Variants in NBEA observed in about 807,000 individuals in gnomAD.
The protein encoded by NBEA is lysosomal-trafficking regulator 2.
In NBEA, 44 loss-of-function variants were observed where a neutral mutation model predicts 343.4. The ratio of observed to expected loss-of-function variants is 0.13; its 90% CI spans 0.10 to 0.16. The LOEUF is 0.16. Ranked by LOEUF, NBEA falls within the 10% of genes least tolerant of loss-of-function variation. The probability of loss-of-function intolerance (pLI) is 1.00; values close to 1 mark genes in which losing one functional copy is unlikely to be tolerated. For missense variants in NBEA, 2,555 were observed against 3,631.3 expected (o/e 0.70, Z 7.62); for synonymous variants, 1,175 against 1,238.7 (o/e 0.95, Z 1.08).
intron 1 of NBEA, among the ~76,000 whole-genome samples, chr13:34,957,693 G>A (rs2059540844): frequency 6.6e-6 from 1 of 151,666 alleles, no homozygotes; most frequent in African/African-American, 2.4e-5. Context: ...ATATCTATTT[G>A]AACTTATTTT....
At chr13:35,010,742 ATAT>A (rs1212891181) in intron 1 of NBEA, among the ~76,000 whole-genome samples, 80 of 83,690 alleles carry the variant, frequency 9.6e-4, no homozygotes, top group African/African-American at 2.8e-3. Context: ...AAAAAAAAAA[ATAT>A]ATATATATAT....
chr13:35,060,298 T>C (rs1187086772), intron 8 of NBEA, among the ~76,000 whole-genome samples: 1 of 151,860 alleles, frequency 6.6e-6, no homozygotes, highest in African/African-American at 2.4e-5. Context: ...ATATAAGCAA[T>C]TTTGTAATTC....
At chr13:35,397,214 A>G (rs2042787926) in intron 38 of NBEA, among the ~76,000 whole-genome samples, 1 of 152,158 alleles carries the variant, frequency 6.6e-6, no homozygotes, top group Non-Finnish European at 1.5e-5. Flanking sequence ...CCATACTAAC[A>G]TTCTTTCTGT....
At chr13:35,253,056 T>TCATTGAGAAGAG in intron 34 of NBEA, among the ~76,000 whole-genome samples, 1 of 152,152 alleles carries the variant, frequency 6.6e-6, no homozygotes, top group South Asian at 2.1e-4. Flanking sequence ...GCTCACTCAT[T>TCATTGAGAAGAG]CACAGACTGC....
intron 41 of NBEA, among the ~76,000 whole-genome samples, chr13:35,533,409 AT>A (rs2078363326): frequency 6.6e-6 from 1 of 152,284 alleles, no homozygotes; most frequent in African/African-American, 2.4e-5. Flanking sequence ...TAACATAAAA[AT>A]TTATAATACG....
intron 34 of NBEA, among the ~76,000 whole-genome samples, chr13:35,271,997 T>TA (rs2034200753): frequency 6.6e-6 from 1 of 151,954 alleles, no homozygotes; most frequent in South Asian, 2.1e-4. Flanking sequence ...ATTCAGGAAA[T>TA]ACAGAGAACA....
At chr13:35,246,432 CTGGGG>C in intron 34 of NBEA, among the ~76,000 whole-genome samples, 1 of 152,272 alleles carries the variant, frequency 6.6e-6, no homozygotes. Flanking sequence ...GAGGGAAGAT[CTGGGG>C]CTCAAGGCTG....
chr13:35,651,539 C>T (rs2084523319), intron 52 of NBEA, among the ~76,000 whole-genome samples: 1 of 152,100 alleles, frequency 6.6e-6, no homozygotes, highest in Admixed American at 6.5e-5. Context: ...ATAAATGTTA[C>T]AATCTTCTAT....
intron 40 of NBEA, among the ~76,000 whole-genome samples, chr13:35,463,442 G>T (rs1294178857): frequency 6.6e-6 from 1 of 152,030 alleles, no homozygotes; most frequent in Non-Finnish European, 1.5e-5. Flanking sequence ...GGGCAACATG[G>T]TGAAACCCCA....
At chr13:35,592,214 T>A (rs867421332) in intron 46 of NBEA, among the ~76,000 whole-genome samples, 1 of 152,148 alleles carries the variant, frequency 6.6e-6, no homozygotes, top group Non-Finnish European at 1.5e-5. Flanking sequence ...GCAGACACTA[T>A]GTTATCCAAA....
chr13:34,998,745 C>G (rs960412922), intron 1 of NBEA, among the ~76,000 whole-genome samples: 1 of 152,014 alleles, frequency 6.6e-6, no homozygotes, highest in African/African-American at 2.4e-5. Context: ...GCTCAGATTT[C>G]ATATTGTTCA....
intron 1 of NBEA, among the ~76,000 whole-genome samples, chr13:34,957,845 A>C (rs1456189573): frequency 6.6e-6 from 1 of 152,070 alleles, no homozygotes; most frequent in Admixed American, 6.6e-5. Flanking sequence ...TCAGCCATGG[A>C]TATATTTATA....
intron 30 of NBEA, among the ~76,000 whole-genome samples, chr13:35,192,969 T>C (rs2072308457): frequency 6.6e-6 from 1 of 151,984 alleles, no homozygotes. Context: ...GTAAATTAGC[T>C]AAATTCACAC....
chr13:35,213,921 A>G (rs1017277295), intron 33 of NBEA, among the ~76,000 whole-genome samples: 9 of 151,996 alleles, frequency 5.9e-5, no homozygotes, highest in African/African-American at 2.2e-4. Flanking sequence ...TCTCTGCTCC[A>G]GGGAAACACT....
intron 1 of NBEA, among the ~76,000 whole-genome samples, chr13:34,972,392 T>C (rs559625495): frequency 1.1e-4 from 17 of 152,320 alleles, no homozygotes; most frequent in African/African-American, 1.7e-4. Flanking sequence ...TTGCTCTTGG[T>C]TCTCTAGTTC....
intron 35 of NBEA, among the ~76,000 whole-genome samples, chr13:35,306,184 C>T (rs1255744194): frequency 6.6e-6 from 1 of 151,940 alleles, no homozygotes; most frequent in East Asian, 1.9e-4. Context: ...TTTATTTTTT[C>T]CTGCAAGCCT....
chr13:35,363,318 C>A (rs669933), intron 38 of NBEA, among the ~76,000 whole-genome samples: 44,241 of 151,690 alleles, frequency 0.29, 8,300 homozygotes, highest in African/African-American at 0.54. Context: ...CTGTTTCTGG[C>A]CAAAATGCTA....
intron 34 of NBEA, among the ~76,000 whole-genome samples, chr13:35,282,005 C>T (rs1283173004): frequency 2.0e-5 from 3 of 151,912 alleles, no homozygotes; most frequent in Non-Finnish European, 2.9e-5. Context: ...CTCCACCTTC[C>T]GGGTTCACTC....
chr13:35,668,785 C>T (rs2085472945), intron 58 of NBEA, among the ~76,000 whole-genome samples: 1 of 152,226 alleles, frequency 6.6e-6, no homozygotes, highest in South Asian at 2.1e-4. Context: ...ATAGAACTTA[C>T]TCCCACCAAG....
Sources: gnomAD v4.1 joint callset for allele counts (sites outside exome capture counted in the v4.1 genomes callset) on GRCh38, gnomAD v4.1.1 for gene constraint, MANE v1.5 for transcripts, NCBI Gene and HGNC (gene_info 2026-07-23, HGNC 2026-07-21) for gene names.